RNF145: variants seen among roughly 807,000 people sequenced by gnomAD.
RNF145 encodes ring finger protein 145.
RNF145 carries 12 observed loss-of-function variants against 57.3 expected under a neutral mutation model. The ratio of observed to expected loss-of-function variants is 0.21; its 90% CI spans 0.13 to 0.34. RNF145 has a LOEUF of 0.34. Among genes scored for constraint, RNF145 ranks in the 10% least tolerant of loss-of-function variants. The pLI is 1.00. For missense variants in RNF145, 429 were observed against 799.0 expected, an observed-to-expected ratio of 0.54 and a Z score of 5.58; for synonymous variants, 262 against 288.3, an observed-to-expected ratio of 0.91 and a Z score of 0.92.
At position 159,174,154 on chromosome 5, in the gene RNF145, A is replaced by G. The variant is rs779559928; in HGVS notation, c.626T>C (p.Val209Ala). The change falls in exon 6 of 11, where the codon GTG becomes GCG. Residue 209 changes from valine to alanine, a missense_variant. This residue lies in a region of RNF145 where 216 missense variants were observed against 457.6 expected (regional missense o/e 0.47). Transcript: ENST00000424310. ...CAAGGCGAGAAGGCCATATACCTCC[A>G]CTACCTAAATAAAAACGTAAGATAG... ...KSAYRELVQV[V>A]EVYGLLALGM... 1 of 1,596,966 alleles carries G rather than the reference A, an allele frequency of 6.3e-7. No individual in the cohort carries two copies.
chr5:159,194,569 G>A (rs1785391877), intron 3 of RNF145, 147 bp downstream of exon 3: 15 of 631,336 alleles, frequency 2.4e-5, no homozygotes. Context: ...TATTAATCCT[G>A]TGTAAGATTT....
chr5:159,176,917 A>G (rs775390960), intron 4 of RNF145, 50 bp from the exon 5 acceptor site: 86 of 1,109,172 alleles, frequency 7.8e-5, no homozygotes, highest in Non-Finnish European at 1.1e-4. Context: ...GGCATCCACA[A>G]AATAAAAACA....
intron 3 of RNF145, among the ~76,000 whole-genome samples, chr5:159,190,071 T>C (rs567637972): frequency 6.6e-6 from 1 of 152,220 alleles, no homozygotes; most frequent in East Asian, 1.9e-4. Flanking sequence ...TCAAACAGGG[T>C]CTTGTTCTGT....
At chr5:159,195,606 G>A (rs1178452796) in intron 2 of RNF145, among the ~76,000 whole-genome samples, 1 of 152,032 alleles carries the variant, frequency 6.6e-6, no homozygotes, top group Non-Finnish European at 1.5e-5. Flanking sequence ...GTTACTCTTT[G>A]GCTCTGTTCA....
At chr5:159,185,327 C>T (rs1209138807) in intron 3 of RNF145, among the ~76,000 whole-genome samples, 1 of 152,130 alleles carries the variant, frequency 6.6e-6, no homozygotes, top group Admixed American at 6.5e-5. Flanking sequence ...TGCCACACAA[C>T]CACTATGGAG....
chr5:159,205,099 G>A (rs748733427), intron 1 of RNF145, among the ~76,000 whole-genome samples: 1 of 152,108 alleles, frequency 6.6e-6, no homozygotes, highest in African/African-American at 2.4e-5. Context: ...AAAGCTAAAG[G>A]CAACCCAACT....
chr5:159,188,348 C>T (rs1035127611), intron 3 of RNF145, among the ~76,000 whole-genome samples: 15 of 151,502 alleles, frequency 9.9e-5, no homozygotes, highest in African/African-American at 3.4e-4. Context: ...GAGCCGAAAT[C>T]GTGCCACTGC....
intron 6 of RNF145, among the ~76,000 whole-genome samples, chr5:159,172,272 C>T (rs1260523474): frequency 6.6e-6 from 1 of 152,138 alleles, no homozygotes; most frequent in East Asian, 1.9e-4. Flanking sequence ...GGGTGGATCA[C>T]CTGAGGTCAG....
chr5:159,187,938 C>T (rs1183810104), intron 3 of RNF145, among the ~76,000 whole-genome samples: 1 of 152,186 alleles, frequency 6.6e-6, no homozygotes, highest in Non-Finnish European at 1.5e-5. Context: ...GAAGTTTTTA[C>T]ATTTGAAACC....
chr5:159,191,257 T>G (rs1897565), intron 3 of RNF145, among the ~76,000 whole-genome samples: 1 of 151,974 alleles, frequency 6.6e-6, no homozygotes, highest in Non-Finnish European at 1.5e-5. Flanking sequence ...AGGAAACAAT[T>G]TGTATCAAGT....
intron 7 of RNF145, 113 bp from the exon 8 acceptor site, chr5:159,169,168 T>C: frequency 1.2e-6 from 1 of 865,750 alleles, no homozygotes. Context: ...AAATCTATTC[T>C]GACTTAATCC....
chr5:159,192,804 C>T (rs570663819), intron 3 of RNF145, among the ~76,000 whole-genome samples: 1 of 152,350 alleles, frequency 6.6e-6, no homozygotes, highest in East Asian at 1.9e-4. Flanking sequence ...GGAATTTGAA[C>T]CTATCCAAAC....
At chr5:159,186,072 TACA>T (rs1785043760) in intron 3 of RNF145, among the ~76,000 whole-genome samples, 1 of 151,972 alleles carries the variant, frequency 6.6e-6, no homozygotes, top group African/African-American at 2.4e-5. Flanking sequence ...AAACAAAAAA[TACA>T]ACAATTAGCC....
intron 3 of RNF145, among the ~76,000 whole-genome samples, chr5:159,193,513 C>T (rs72813995): frequency 0.12 from 18,327 of 152,112 alleles, 1,443 homozygotes; most frequent in South Asian, 0.2. Flanking sequence ...GGGTGAAAAA[C>T]CCAGTGATTT....
At chr5:159,193,245 T>C (rs1313173753) in intron 3 of RNF145, among the ~76,000 whole-genome samples, 1 of 152,336 alleles carries the variant, frequency 6.6e-6, no homozygotes, top group Non-Finnish European at 1.5e-5. Flanking sequence ...TTGTGAGGAT[T>C]GCAAGAAATG....
chr5:159,160,481 A>G (rs1784179629), intron 10 of RNF145, among the ~76,000 whole-genome samples: 1 of 152,178 alleles, frequency 6.6e-6, no homozygotes, highest in Admixed American at 6.5e-5. Context: ...GACACTATCT[A>G]TAGTTTTATT....
At chr5:159,184,927 AAATG>A (rs919701315) in intron 3 of RNF145, among the ~76,000 whole-genome samples, 15 of 152,246 alleles carry the variant, frequency 9.9e-5, no homozygotes, top group African/African-American at 2.9e-4. Context: ...CCAGAAGAAT[AAATG>A]ATCAACCTTT....
intron 3 of RNF145, among the ~76,000 whole-genome samples, chr5:159,189,337 A>G (rs1285309935): frequency 6.6e-6 from 1 of 152,260 alleles, no homozygotes; most frequent in Non-Finnish European, 1.5e-5. Context: ...CACACGGTCA[A>G]TGAACACATG....
intron 10 of RNF145, among the ~76,000 whole-genome samples, chr5:159,159,303 G>GT (rs1784138235): frequency 1.3e-5 from 2 of 152,168 alleles, no homozygotes. Context: ...TTATAACTGG[G>GT]TTTTGCCTGA....
Sources: allele counts gnomAD v4.1 joint callset (sites outside exome capture counted in the v4.1 genomes callset), GRCh38; gene constraint gnomAD v4.1.1; regional missense constraint gnomAD v4.1.1; transcripts MANE v1.5; gene names NCBI Gene and HGNC (gene_info 2026-07-23, HGNC 2026-07-21).